Variants in MYO16 observed in about 807,000 individuals in gnomAD.
The protein encoded by MYO16 is myosin XVI.
In MYO16, 94 loss-of-function variants were observed where a neutral mutation model predicts 205.3. The ratio of observed to expected loss-of-function variants is 0.46; its 90% CI spans 0.39 to 0.54. The LOEUF (loss-of-function observed/expected upper bound fraction) is 0.54, where lower values mean the gene tolerates loss of function less well. Among genes scored for constraint, MYO16 ranks in the 20% least tolerant of loss-of-function variants. The pLI is 0.00. For missense variants in MYO16, 2,315 were observed against 2,387.5 expected, an observed-to-expected ratio of 0.97 and a Z score of 0.63; for synonymous variants, 988 against 954.0, an observed-to-expected ratio of 1.04 and a Z score of -0.66.
intron 27 of MYO16, among the ~76,000 whole-genome samples, chr13:109,097,032 A>G (rs1175596256): frequency 6.6e-6 from 1 of 152,202 alleles, no homozygotes; most frequent in Admixed American, 6.5e-5. Context: ...GTTTGTTCAT[A>G]AGAGGTACTG....
At chr13:109,061,378 T>C (rs1181381372) in intron 27 of MYO16, among the ~76,000 whole-genome samples, 2 of 152,214 alleles carry the variant, frequency 1.3e-5, no homozygotes, top group Non-Finnish European at 2.9e-5. Flanking sequence ...TTTGACATGC[T>C]TTCCCTCCTA....
chr13:108,803,882 A>T (rs1283594766), intron 6 of MYO16, among the ~76,000 whole-genome samples: 1 of 152,322 alleles, frequency 6.6e-6, no homozygotes, highest in South Asian at 2.1e-4. Context: ...TAAAATTAGT[A>T]TGTGGAAGGG....
rs1463923315 is a variant in MYO16, at chr13:108,739,539, AC to A, written c.507+11959del. Among the ~76,000 whole-genome samples, 3 of 152,154 alleles carry A rather than the reference AC, an allele frequency of 2.0e-5. No homozygotes were observed. In the East Asian group the frequency reaches 5.8e-4, roughly 29 times the overall value. On this transcript the variant is annotated intron_variant, in intron 4 of 34. Transcript: ENST00000457511. Reference sequence around the variant, plus strand: ...TCTGATAGGCTTCCCTTTGTGAGTAACCCGACCTTTCTCTCTGGCTGCCCTT... The same window carrying A: ...TCTGATAGGCTTCCCTTTGTGAGTAACCGACCTTTCTCTCTGGCTGCCCTT...
chr13:109,200,739 C>A (rs1446578388), intron 34 of MYO16, among the ~76,000 whole-genome samples: 2 of 150,956 alleles, frequency 1.3e-5, no homozygotes, highest in Non-Finnish European at 2.9e-5. Context: ...AGATGAGCAG[C>A]CACTGAAAGT....
At chr13:108,682,473 C>G (rs1045123537) in intron 2 of MYO16, among the ~76,000 whole-genome samples, 1 of 151,780 alleles carries the variant, frequency 6.6e-6, no homozygotes, top group African/African-American at 2.4e-5. Context: ...GTCAGAGCCG[C>G]GGGCACACAG....
chr13:109,161,711 A>C (rs1388786909), intron 32 of MYO16, among the ~76,000 whole-genome samples: 1 of 152,158 alleles, frequency 6.6e-6, no homozygotes, highest in African/African-American at 2.4e-5. Context: ...GATTTAAAAA[A>C]TTAAAATTTA....
rs148107061 is a variant in MYO16, at chr13:109,106,881, G to A, written c.3438+5994G>A. Reference sequence around the variant, plus strand: ...CAAAGAAGAGTGGCCTGTGTGTCCCGTTTGAGGCAGGAACTTGTGATACCT... The same window carrying A: ...CAAAGAAGAGTGGCCTGTGTGTCCCATTTGAGGCAGGAACTTGTGATACCT... On this transcript the variant is annotated intron_variant, in intron 28 of 34. Transcript: ENST00000457511. Among the ~76,000 whole-genome samples, 139 of 152,294 alleles carry A rather than the reference G, an allele frequency of 9.1e-4. 1 individual carries two copies. In the East Asian group the frequency reaches 0.024, roughly 26 times the overall value.
rs9587630 is a variant in MYO16 at position 108,623,956 on chromosome 13, A to C, written c.-39+27717A>C. Among the ~76,000 whole-genome samples, 585 of 152,314 alleles carry C rather than the reference A, an allele frequency of 3.8e-3. 7 individuals carry two copies. Among genetic ancestry groups the C allele is most frequent in the African/African-American group, 0.013 (555 of 41,584 alleles). On this transcript the variant is annotated intron_variant, in intron 1 of 24. Coordinates refer to the MYO16 transcript ENST00000251041. ...TAATTTAAGCAATAAAAAAATCAAGAACAGTTTGTAGATTAAATGGGCTTG... is the reference window on the plus strand; with the variant it reads ...TAATTTAAGCAATAAAAAAATCAAGCACAGTTTGTAGATTAAATGGGCTTG...
At chr13:108,984,971 T>C (rs1258400640) in intron 20 of MYO16, among the ~76,000 whole-genome samples, 2 of 152,192 alleles carry the variant, frequency 1.3e-5, no homozygotes, top group Non-Finnish European at 2.9e-5. Flanking sequence ...AAGTCTCTTA[T>C]TGATATAATA....
At chr13:108,655,627 C>T (rs1881209488) in intron 1 of MYO16, among the ~76,000 whole-genome samples, 1 of 152,116 alleles carries the variant, frequency 6.6e-6, no homozygotes, top group Non-Finnish European at 1.5e-5. Context: ...TTGCACCACA[C>T]ACCTGGAAAA....
intron 16 of MYO16, among the ~76,000 whole-genome samples, chr13:108,921,087 T>G (rs1881727789): frequency 6.6e-6 from 1 of 152,240 alleles, no homozygotes. Context: ...CATCACACAC[T>G]GGACCAAGCC....
intron 1 of MYO16, among the ~76,000 whole-genome samples, chr13:108,635,710 G>C (rs541511486): frequency 6.6e-6 from 1 of 152,066 alleles, no homozygotes; most frequent in South Asian, 2.1e-4. Flanking sequence ...ATGTTGGTCA[G>C]GCTGGTCTCG....
chr13:108,597,535 G>A (rs1878605652), intron 1 of MYO16, among the ~76,000 whole-genome samples: 1 of 152,012 alleles, frequency 6.6e-6, no homozygotes, highest in Non-Finnish European at 1.5e-5. Context: ...GTAACTTTTA[G>A]TTTTTCTCCT....
At chr13:108,577,454 G>A in the MYO16 span, among the ~76,000 whole-genome samples, 20 of 152,142 alleles carry the variant, frequency 1.3e-4, no homozygotes, top group African/African-American at 4.6e-4. Context: ...CCAGCACAGC[G>A]TGGTCTAGTT....
chr13:108,956,853 T>C (rs1271180198), intron 16 of MYO16, among the ~76,000 whole-genome samples: 2 of 152,148 alleles, frequency 1.3e-5, no homozygotes, highest in Non-Finnish European at 2.9e-5. Context: ...CTGGATAGTT[T>C]ATTTTGCTGT....
intron 2 of MYO16, among the ~76,000 whole-genome samples, chr13:108,693,396 C>T (rs1450328992): frequency 1.3e-5 from 2 of 152,186 alleles, no homozygotes; most frequent in Non-Finnish European, 2.9e-5. Context: ...TTCATCTCCC[C>T]ACTTCCTCTA....
At chr13:109,099,044 G>T (rs756465870) in intron 27 of MYO16, among the ~76,000 whole-genome samples, 1 of 152,058 alleles carries the variant, frequency 6.6e-6, no homozygotes, top group Non-Finnish European at 1.5e-5. Flanking sequence ...GATCAGCTTC[G>T]ATGACTGCTC....
Position 108,964,838 on chromosome 13 carries a change from C to T in MYO16, c.2305C>T (p.Arg769Cys). 2.5e-6 allele frequency: 4 copies of T among 1,613,994 alleles called. No homozygotes were observed. The highest frequency in any genetic ancestry group is 2.5e-6 in the Non-Finnish European group (3 of 1,179,966). Reference sequence around the variant, plus strand: ...CCTCTTGGCCAAGTCCCTGTACAGTCGTTTGTTTAGCTTTTTGGTGAATAC... The same window carrying T: ...CCTCTTGGCCAAGTCCCTGTACAGTTGTTTGTTTAGCTTTTTGGTGAATAC... ...RDLLAKSLYS[R>C]LFSFLVNTMN... is the part of the protein sequence containing the mutation. Residue 769 changes from arginine (R) to cysteine (C), a missense_variant, in exon 20 of 35, where the codon CGT becomes TGT. This residue lies in a region of MYO16 where 1,213 missense variants were observed against 1,274.4 expected (regional missense o/e 0.95). Coordinates refer to ENST00000457511, the MANE Select transcript of MYO16 (RefSeq NM_001198950.3).
At chr13:109,050,271 T>A (rs940980604) in intron 24 of MYO16, among the ~76,000 whole-genome samples, 1 of 152,116 alleles carries the variant, frequency 6.6e-6, no homozygotes, top group Non-Finnish European at 1.5e-5. Context: ...CTTTCATGAC[T>A]TTTTTTAATG....
Sources: gnomAD v4.1 joint callset for allele counts (sites outside exome capture counted in the v4.1 genomes callset) on GRCh38, gnomAD v4.1.1 for gene constraint, gnomAD v4.1.1 regional missense constraint, MANE v1.5 for transcripts, NCBI Gene and HGNC (gene_info 2026-07-23, HGNC 2026-07-21) for gene names.